Variants in TMEM245 observed in about 807,000 individuals in gnomAD.
TMEM245 encodes protein CG-2.
A neutral mutation model predicts 101.2 loss-of-function variants in TMEM245; 69 were observed. The ratio of observed to expected loss-of-function variants is 0.68; its 90% CI spans 0.56 to 0.83. The LOEUF (loss-of-function observed/expected upper bound fraction) is 0.83, where lower values mean the gene tolerates loss of function less well. Among genes scored for constraint, TMEM245 ranks in the 40% least tolerant of loss-of-function variants. The pLI, the probability that TMEM245 is intolerant of heterozygous loss-of-function variation, is 0.00. For synonymous variants in TMEM245, 537 were observed against 449.8 expected (o/e 1.19, Z -2.45); for missense variants, 1,075 against 1,092.8 (o/e 0.98, Z 0.23).
chr9:109,064,670 G>C, intron 9 of TMEM245, 103 bp from the exon 10 acceptor site: 1 of 901,920 alleles, frequency 1.1e-6, no homozygotes, highest in East Asian at 2.5e-5. Flanking sequence ...ACAGACTGTT[G>C]ATCATTCACC....
intron 3 of TMEM245, among the ~76,000 whole-genome samples, chr9:109,105,897 C>T (rs978864366): frequency 6.6e-6 from 1 of 152,132 alleles, no homozygotes; most frequent in Admixed American, 6.5e-5. Flanking sequence ...CTCAGCCTCC[C>T]GAGTAGCAGG....
chr9:109,104,416 G>A (rs1158935240), intron 3 of TMEM245, among the ~76,000 whole-genome samples: 1 of 152,118 alleles, frequency 6.6e-6, no homozygotes, highest in African/African-American at 2.4e-5. Flanking sequence ...CTCATAAATT[G>A]TAAGGTTTTT....
At chr9:109,112,639 T>A (rs182622907) in intron 1 of TMEM245, among the ~76,000 whole-genome samples, 290 of 152,024 alleles carry the variant, frequency 1.9e-3, no homozygotes, top group Admixed American at 4.5e-3. Context: ...CAGAGCTATA[T>A]GTATGTTATC....
intron 14 of TMEM245, chr9:109,038,918 G>A (rs895025508): frequency 2.0e-5 from 3 of 152,264 alleles, no homozygotes; most frequent in African/African-American, 4.8e-5. Context: ...GCACAAAGGT[G>A]GCAACCCGTA....
chr9:109,085,720 A>G (rs17729644), intron 7 of TMEM245, among the ~76,000 whole-genome samples: 1,749 of 152,360 alleles, frequency 0.011, 14 homozygotes, highest in South Asian at 0.031. Context: ...CCACATTTAC[A>G]GAACTGGATT....
At chr9:109,094,069 T>C (rs934955310) in intron 3 of TMEM245, among the ~76,000 whole-genome samples, 8 of 152,230 alleles carry the variant, frequency 5.3e-5, no homozygotes, top group African/African-American at 1.9e-4. Flanking sequence ...CAAAACCATA[T>C]AGATTTATAA....
chr9:109,033,860 A>G (rs1012410177), intron 16 of TMEM245, among the ~76,000 whole-genome samples: 3 of 152,264 alleles, frequency 2.0e-5, no homozygotes, highest in Non-Finnish European at 2.9e-5. Flanking sequence ...ACCTCCATCA[A>G]GGATAATTAA....
chr9:109,017,520 G>C lies in TMEM245; in HGVS notation c.*2940C>G, dbSNP rs2132251415. 1 of 152,286 alleles carries C rather than the reference G, an allele frequency of 6.6e-6. No homozygotes were observed. Among genetic ancestry groups the C allele is most frequent in the Non-Finnish European group, 1.5e-5 (1 of 68,010 alleles). 9.4% of individuals were successfully genotyped at this position (152,286 alleles called of 1,614,324 possible). A position where few individuals can be genotyped will look rare whatever the true frequency, so the allele number is the denominator to read the frequency against. On this transcript the variant is annotated 3_prime_UTR_variant, in exon 18 of 18. Transcript: ENST00000374586. ...ATGCCTTCTCTCTCAGAAAAGAGAG[G>C]AGCATACCTGTGTGGAGAGCTTGTA... is the stretch of plus-strand genomic sequence containing the variant.
At chr9:109,020,537 AT>A in intron 17 of TMEM245, 32 bp from the exon 18 acceptor site, 2 of 1,593,386 alleles carry the variant, frequency 1.3e-6, no homozygotes, top group Non-Finnish European at 1.7e-6. Flanking sequence ...TGATTAGTTG[AT>A]TACCATAAAA....
chr9:109,100,553 T>C (rs1185364823), intron 3 of TMEM245, among the ~76,000 whole-genome samples: 1 of 152,120 alleles, frequency 6.6e-6, no homozygotes, highest in Admixed American at 6.6e-5. Flanking sequence ...TCTCACTATC[T>C]TGACCAGGCA....
chr9:109,018,549 T>C lies in TMEM245; in HGVS notation c.*1911A>G, dbSNP rs1473059477. On this transcript the variant is annotated 3_prime_UTR_variant, in exon 18 of 18. Transcript: ENST00000374586. Reference sequence around the variant, plus strand: ...AGAGATCTGTATGCAGTCTACTCCATATAGTCAAAAGATCTCATGGTAGCC... The same window carrying C: ...AGAGATCTGTATGCAGTCTACTCCACATAGTCAAAAGATCTCATGGTAGCC... The C allele has an allele frequency of 6.6e-6, 1 of 152,220 alleles. No individual in the cohort carries two copies. The highest frequency in any genetic ancestry group is 1.5e-5 in the Non-Finnish European group (1 of 68,034). The allele number at this position is 152,220 out of a possible 1,614,324, so 9.4% of individuals were successfully genotyped here. A position where few individuals can be genotyped will look rare whatever the true frequency, so the allele number is the denominator to read the frequency against.
At position 109,119,352 on chromosome 9, in the gene TMEM245, A is replaced by G; in HGVS notation, c.562T>C (p.Tyr188His). Residue 188 changes from tyrosine (Y) to histidine (H), a missense_variant, in exon 1 of 18, where the codon TAC becomes CAC. Physicochemically the swap from Tyr to His is moderately conservative, Grantham distance 83. Transcript: ENST00000374586. Reference protein sequence around the residue: ...AATLICRGLDYFSSLWIWTLV... With the variant: ...AATLICRGLDHFSSLWIWTLV... The stretch of plus-strand genomic sequence containing the variant: ...TCACTCACCCACAGGCTGCTGAAGT[A>G]GTCCAGCCCGCGGCAGATGAGCGTG... 2.0e-6 allele frequency: 3 copies of G among 1,531,710 alleles called. No homozygotes were observed. Among genetic ancestry groups the G allele is most frequent in the Non-Finnish European group, 2.6e-6 (3 of 1,143,244 alleles). 94.9% of individuals were successfully genotyped at this position (1,531,710 alleles called of 1,614,324 possible). A position where few individuals can be genotyped will look rare whatever the true frequency, so the allele number is the denominator to read the frequency against.
At chr9:109,115,890 T>C (rs544387837) in intron 1 of TMEM245, among the ~76,000 whole-genome samples, 51 of 152,284 alleles carry the variant, frequency 3.3e-4, no homozygotes, top group African/African-American at 1.2e-3. Flanking sequence ...AAAATCCTTA[T>C]TGAAGGTTAC....
intron 14 of TMEM245, among the ~76,000 whole-genome samples, chr9:109,049,255 C>T (rs1257180976): frequency 6.6e-6 from 1 of 152,208 alleles, no homozygotes; most frequent in Non-Finnish European, 1.5e-5. Flanking sequence ...ACTCTGTTGC[C>T]TAGGCTGCAG....
chr9:109,101,156 T>C (rs773837345), intron 3 of TMEM245, among the ~76,000 whole-genome samples: 1 of 152,010 alleles, frequency 6.6e-6, no homozygotes, highest in Non-Finnish European at 1.5e-5. Flanking sequence ...AATAGAAGAG[T>C]ACTCTGGGTC....
At chr9:109,071,077 C>T (rs185611171) in intron 9 of TMEM245, among the ~76,000 whole-genome samples, 2 of 151,986 alleles carry the variant, frequency 1.3e-5, no homozygotes, top group East Asian at 2.0e-4. Flanking sequence ...GATGGGGTTT[C>T]ACCATATTGG....
intron 13 of TMEM245, 38 bp downstream of exon 13, chr9:109,050,532 G>A (rs1828642910): frequency 6.2e-7 from 1 of 1,613,454 alleles, no homozygotes; most frequent in African/African-American, 1.3e-5. Flanking sequence ...CTTTAACAGG[G>A]AAGGAAATAT....
chr9:109,062,978 GA>G (rs113342652), intron 10 of TMEM245, among the ~76,000 whole-genome samples: 22,105 of 148,106 alleles, frequency 0.15, 1,838 homozygotes, highest in African/African-American at 0.21. Context: ...TCCACAAAAA[GA>G]AAAAAAAAAC....
rs1473611091 is a variant in TMEM245, at chr9:109,085,992, T to A, written c.1344+5A>T. The A allele has an allele frequency of 6.2e-7, 1 of 1,614,056 alleles. No individual in the cohort carries two copies. The highest frequency in any genetic ancestry group is 8.5e-7 in the Non-Finnish European group (1 of 1,179,948). ...GTAAAAACCAACATCTGGGTGTTCA[T>A]TTACCTTCTTATTTAGCCAGTGCCA... On this transcript the variant is annotated splice_donor_5th_base_variant and intron_variant, in intron 7 of 17. Transcript: ENST00000374586.
Sources: allele counts gnomAD v4.1 joint callset (sites outside exome capture counted in the v4.1 genomes callset), GRCh38; gene constraint gnomAD v4.1.1; transcripts MANE v1.5; gene names NCBI Gene and HGNC (gene_info 2026-07-23, HGNC 2026-07-21).